Variants in LOXHD1 observed in about 807,000 individuals in gnomAD.
The protein encoded by LOXHD1 is lipoxygenase homology PLAT domains 1, also known as lipoxygenase homology domain-containing protein 1.
In LOXHD1, 205 loss-of-function variants were observed where a neutral mutation model predicts 248.2. The observed-to-expected ratio is 0.83, with a 90% CI of 0.74 to 0.93. The LOEUF (loss-of-function observed/expected upper bound fraction) is 0.93. Among genes scored for constraint, LOXHD1 ranks in the 40% least tolerant of loss-of-function variants. The pLI is 0.00. For synonymous variants in LOXHD1, 1,113 were observed against 1,162.8 expected (o/e 0.96, Z 0.87); for missense variants, 2,930 against 2,971.6 (o/e 0.99, Z 0.33).
At chr18:46,524,369 C>G in intron 31 of LOXHD1, 97 bp downstream of exon 31, 1 of 1,451,968 alleles carries the variant, frequency 6.9e-7, no homozygotes. Context: ...GATATGTCAT[C>G]GGTGATGGTG....
chr18:46,523,024 C>T lies in LOXHD1; in HGVS notation c.4877-715G>A, dbSNP rs188145010. On this transcript the variant is annotated intron_variant, in intron 31 of 40. Coordinates refer to ENST00000642948, the MANE Select transcript of LOXHD1 (RefSeq NM_001384474.1). Reference sequence around the variant, plus strand: ...GTGCAATGGCACGATCTCGGCTCACCGCAACCTCTGCCTCCCAGGTTCAAG... The same window carrying T: ...GTGCAATGGCACGATCTCGGCTCACTGCAACCTCTGCCTCCCAGGTTCAAG... Among the ~76,000 whole-genome samples, 123 of 152,100 alleles carry T rather than the reference C, an allele frequency of 8.1e-4. 1 individual carries two copies. Among genetic ancestry groups the T allele is most frequent in the African/African-American group, 2.7e-3 (111 of 41,498 alleles).
Position 46,579,650 on chromosome 18 carries a change from C to T in LOXHD1, c.1789G>A (p.Asp597Asn). ...CTTACATTGCCCTTTTCAAACAGGT[C>T]TGTGTTATTCCTGCAGTTGTAGAGC... Reference protein sequence around the residue: ...RLLYNCRNNTDLFEKGNADEF... With the variant: ...RLLYNCRNNTNLFEKGNADEF... Residue 597 changes from aspartate to asparagine, a missense_variant, in exon 13 of 41, where the codon GAC becomes AAC. Physicochemically the swap from Asp to Asn is conservative, Grantham distance 23. Transcript: ENST00000642948. 1 of 1,551,696 alleles carries T rather than the reference C, an allele frequency of 6.4e-7. No homozygotes were observed. Among genetic ancestry groups the T allele is most frequent in the Non-Finnish European group, 8.7e-7 (1 of 1,146,984 alleles).
intron 32 of LOXHD1, among the ~76,000 whole-genome samples, chr18:46,521,792 C>A (rs1406200514): frequency 6.6e-6 from 1 of 152,180 alleles, no homozygotes; most frequent in Non-Finnish European, 1.5e-5. Context: ...ACCTAGACTC[C>A]TGACCCATGA....
At chr18:46,558,049 C>T (rs1160864432) in intron 20 of LOXHD1, 1 of 986,876 alleles carries the variant, frequency 1.0e-6, no homozygotes, top group African/African-American at 1.7e-5. Context: ...CAGACCACAC[C>T]AGGAACCTAT....
At chr18:46,537,560 C>T (rs2036366665) in intron 26 of LOXHD1, among the ~76,000 whole-genome samples, 1 of 152,184 alleles carries the variant, frequency 6.6e-6, no homozygotes, top group South Asian at 2.1e-4. Context: ...CAGCTGAGCA[C>T]ACAGGGCAGG....
chr18:46,520,382 A>AC (rs535005381), intron 33 of LOXHD1: 194 of 453,926 alleles, frequency 4.3e-4, no homozygotes, highest in African/African-American at 2.4e-3. Context: ...CCTTCTGTTG[A>AC]CCCCATAGCC....
At chr18:46,641,279 A>T (rs2038959786) in intron 3 of LOXHD1, among the ~76,000 whole-genome samples, 1 of 152,212 alleles carries the variant, frequency 6.6e-6, no homozygotes, top group Non-Finnish European at 1.5e-5. Flanking sequence ...GTCTGGGTGC[A>T]ATCAGACCAC....
In LOXHD1 at chr18:46,572,113, G is replaced by A. The variant is rs2037763635; in HGVS notation, c.2020C>T (p.Pro674Ser). The A allele has an allele frequency of 6.4e-6, 10 of 1,551,848 alleles. No homozygotes were observed. The highest frequency in any genetic ancestry group is 1.2e-5 in the South Asian group (1 of 84,060). ...DDGQLVRELLPSDSSATLKNF... is the reference protein window; with the variant it reads ...DDGQLVRELLSSDSSATLKNF... ...TTCAGTGTCGCGCTGCTGTCACTGG[G>A]TAGCAACTCTCGGACCAGCTGCCCA... is the stretch of plus-strand genomic sequence containing the variant. Residue 674 changes from proline to serine, a missense_variant, in exon 15 of 41, where the codon CCC (proline) becomes TCC (serine). By Grantham distance (74) the Pro-to-Ser change is moderately conservative. Transcript: ENST00000642948.
At chr18:46,545,217 C>T (rs542419516) in intron 23 of LOXHD1, 100 bp downstream of exon 23, 3 of 856,918 alleles carry the variant, frequency 3.5e-6, no homozygotes, top group East Asian at 5.3e-5. Flanking sequence ...TATTGAGAGA[C>T]AAAAGCATAA....
At chr18:46,598,740 C>A (rs1335738781) in intron 8 of LOXHD1, among the ~76,000 whole-genome samples, 2 of 152,078 alleles carry the variant, frequency 1.3e-5, no homozygotes, top group Non-Finnish European at 2.9e-5. Flanking sequence ...TTAAACATAT[C>A]TAACAGACAT....
intron 2 of LOXHD1, among the ~76,000 whole-genome samples, chr18:46,645,964 G>A (rs1361767540): frequency 6.6e-6 from 1 of 152,186 alleles, no homozygotes; most frequent in African/African-American, 2.4e-5. Flanking sequence ...CATGAAAGAG[G>A]ATGGCCGAGC....
chr18:46,580,794 C>T (rs2037946868), intron 12 of LOXHD1, among the ~76,000 whole-genome samples: 1 of 152,112 alleles, frequency 6.6e-6, no homozygotes, highest in South Asian at 2.1e-4. Context: ...GAAAAGGTGA[C>T]TGCAAAGAGG....
At chr18:46,573,284 C>A (rs897827346) in intron 14 of LOXHD1, among the ~76,000 whole-genome samples, 3 of 152,130 alleles carry the variant, frequency 2.0e-5, no homozygotes, top group Non-Finnish European at 4.4e-5. Context: ...TGGTCATCCA[C>A]CAGGCGGAAA....
intron 24 of LOXHD1, among the ~76,000 whole-genome samples, 169 bp from the exon 25 acceptor site, chr18:46,542,109 C>T (rs1439814013): frequency 6.6e-6 from 1 of 152,136 alleles, no homozygotes; most frequent in African/African-American, 2.4e-5. Context: ...AAAATGTGCA[C>T]CCAGATGTTG....
intron 18 of LOXHD1, among the ~76,000 whole-genome samples, chr18:46,560,852 ACGCG>A (rs34336210): frequency 4.6e-5 from 7 of 151,490 alleles, no homozygotes; most frequent in South Asian, 2.1e-4. Context: ...ACACACACGC[ACGCG>A]CGCGCGCGCG....
At chr18:46,488,668 T>C (rs942378545) in intron 38 of LOXHD1, among the ~76,000 whole-genome samples, 3 of 152,170 alleles carry the variant, frequency 2.0e-5, no homozygotes, top group Non-Finnish European at 2.9e-5. Flanking sequence ...ATGTCCATGT[T>C]ATAAAAATAA....
At chr18:46,617,487 C>T (rs1173867693) in intron 5 of LOXHD1, among the ~76,000 whole-genome samples, 7 of 152,000 alleles carry the variant, frequency 4.6e-5, no homozygotes, top group Non-Finnish European at 7.4e-5. Flanking sequence ...ATAGTTAACA[C>T]TTTGGTTTTG....
intron 16 of LOXHD1, 39 bp downstream of exon 16, chr18:46,569,403 G>C (rs1184812550): frequency 3.3e-6 from 5 of 1,517,042 alleles, no homozygotes; most frequent in Non-Finnish European, 4.5e-6. Flanking sequence ...TTCGGAAATG[G>C]GTGGGATGAT....
chr18:46,480,743 C>T (rs1225173519), intron 40 of LOXHD1, among the ~76,000 whole-genome samples: 1 of 152,132 alleles, frequency 6.6e-6, no homozygotes, highest in African/African-American at 2.4e-5. Flanking sequence ...CATCTGTGAA[C>T]ATTGTGTATT....
Sources: allele counts gnomAD v4.1 joint callset (sites outside exome capture counted in the v4.1 genomes callset), GRCh38; gene constraint gnomAD v4.1.1; transcripts MANE v1.5; gene names NCBI Gene and HGNC (gene_info 2026-07-23, HGNC 2026-07-21).